Variants in NFIA observed in about 807,000 individuals in gnomAD.
NFIA encodes nuclear factor 1 A-type.
In NFIA, 8 loss-of-function variants were observed where a neutral mutation model predicts 62.8. That is an observed-to-expected ratio of 0.13 (90% CI 0.07 to 0.23). The LOEUF is 0.23. Ranked by LOEUF, NFIA falls within the 10% of genes least tolerant of loss-of-function variation. NFIA has a pLI of 1.00. For synonymous variants in NFIA, 235 were observed against 238.1 expected (o/e 0.99, Z 0.12); for missense variants, 410 against 642.1 (o/e 0.64, Z 3.91).
chr1:61,149,458 G>C (rs182558154), intron 2 of NFIA, among the ~76,000 whole-genome samples: 2 of 152,230 alleles, frequency 1.3e-5, no homozygotes, highest in Admixed American at 6.5e-5. Flanking sequence ...AGTGATATAA[G>C]ATTCTTGTAT....
intron 2 of NFIA, among the ~76,000 whole-genome samples, chr1:61,180,518 C>T (rs183277717): frequency 2.6e-5 from 4 of 152,248 alleles, no homozygotes; most frequent in Admixed American, 2.0e-4. Context: ...CTGGTGAATA[C>T]GACTTTATTA....
rs193167710 is a variant in NFIA, at chr1:61,430,886, A to G, written c.1512+4330A>G. 1.4e-4 allele frequency among the ~76,000 whole-genome samples: 21 copies of G among 151,716 alleles called. No individual in the cohort carries two copies. In the East Asian group the frequency reaches 2.5e-3, roughly 18 times the overall value. ...CCTCATTTTTTTCCTCCTTCTCCAT[A>G]TTGTAACTGATCACTGAGATGAGAG... On this transcript the variant is annotated intron_variant, in intron 10 of 10. Coordinates refer to ENST00000403491, the MANE Select transcript of NFIA (RefSeq NM_001134673.4).
Position 61,248,550 on chromosome 1 carries a change from G to T in NFIA, c.560-28970G>T, listed in dbSNP as rs184932092. On this transcript the variant is annotated intron_variant, in intron 2 of 10. Coordinates refer to ENST00000403491, the MANE Select transcript of NFIA (RefSeq NM_001134673.4). ...GTGTTCTTTTGTTTGGAGCACAGCTGCTTCCTATTGTTAAGTTGCACCGGA... is the reference window on the plus strand; with the variant it reads ...GTGTTCTTTTGTTTGGAGCACAGCTTCTTCCTATTGTTAAGTTGCACCGGA... Among the ~76,000 whole-genome samples the T allele has an allele frequency of 1.1e-3, 170 of 152,292 alleles. 1 individual carries two copies. In the Middle Eastern group the frequency reaches 0.031, roughly 27 times the overall value.
At chr1:61,412,049 A>G (rs1157104169) in intron 9 of NFIA, among the ~76,000 whole-genome samples, 1 of 152,076 alleles carries the variant, frequency 6.6e-6, no homozygotes, top group Non-Finnish European at 1.5e-5. Context: ...CTAGATTTTA[A>G]TAGATACATC....
intron 10 of NFIA, among the ~76,000 whole-genome samples, chr1:61,443,382 G>C (rs1400535710): frequency 1.3e-5 from 2 of 152,056 alleles, no homozygotes; most frequent in African/African-American, 4.8e-5. Flanking sequence ...CTTAGCAGAG[G>C]TGCAAACTGA....
At chr1:61,221,018 G>A (rs1653984652) in intron 2 of NFIA, among the ~76,000 whole-genome samples, 1 of 151,992 alleles carries the variant, frequency 6.6e-6, no homozygotes, top group African/African-American at 2.4e-5. Flanking sequence ...CTCAACACGT[G>A]TCTTTTAAAT....
At chr1:61,421,390 C>T (rs989365513) in intron 9 of NFIA, among the ~76,000 whole-genome samples, 4 of 152,164 alleles carry the variant, frequency 2.6e-5, no homozygotes, top group African/African-American at 9.7e-5. Context: ...CTCTATGATG[C>T]ACTGCGGAAG....
intron 2 of NFIA, among the ~76,000 whole-genome samples, chr1:61,128,526 T>G (rs1259587247): frequency 6.6e-6 from 1 of 151,832 alleles, no homozygotes. Flanking sequence ...ATGGTTTGAG[T>G]CCGGGAGGTG....
intron 2 of NFIA, among the ~76,000 whole-genome samples, chr1:61,136,056 A>G (rs146260602): frequency 6.6e-6 from 1 of 152,244 alleles, no homozygotes; most frequent in Non-Finnish European, 1.5e-5. Flanking sequence ...GATATACTAC[A>G]TCATGTAATA....
intron 3 of NFIA, among the ~76,000 whole-genome samples, chr1:61,292,428 ATCTT>A (rs1440315699): frequency 6.6e-6 from 1 of 152,152 alleles, no homozygotes; most frequent in Non-Finnish European, 1.5e-5. Context: ...CTTCCAATTG[ATCTT>A]TCTTAATTGT....
chr1:61,078,008 A>G (rs1016738095), upstream of NFIA, among the ~76,000 whole-genome samples: 1 of 152,086 alleles, frequency 6.6e-6, no homozygotes, highest in African/African-American at 2.4e-5. Flanking sequence ...CCTAACCCGA[A>G]AAGAAATGTC....
At chr1:61,248,157 C>T (rs561115867) in intron 2 of NFIA, among the ~76,000 whole-genome samples, 10 of 152,262 alleles carry the variant, frequency 6.6e-5, no homozygotes, top group African/African-American at 1.9e-4. Context: ...AACTAGCTCA[C>T]CCTCAACTAG....
At chr1:61,216,556 A>G (rs959448365) in intron 2 of NFIA, among the ~76,000 whole-genome samples, 7 of 152,212 alleles carry the variant, frequency 4.6e-5, no homozygotes, top group Admixed American at 1.3e-4. Flanking sequence ...AACCTGCTCA[A>G]TTCAACAAAA....
intron 2 of NFIA, among the ~76,000 whole-genome samples, chr1:61,231,361 C>T (rs939527981): frequency 6.6e-6 from 1 of 152,104 alleles, no homozygotes. Context: ...AAAATAAAGT[C>T]CTATGAATTA....
At chr1:61,161,621 G>T (rs923100747) in intron 2 of NFIA, among the ~76,000 whole-genome samples, 1 of 141,286 alleles carries the variant, frequency 7.1e-6, no homozygotes. Flanking sequence ...ACACACACAC[G>T]CAGACAGTCT....
chr1:61,380,948 A>C (rs1272294597), intron 6 of NFIA, among the ~76,000 whole-genome samples: 5 of 152,150 alleles, frequency 3.3e-5, no homozygotes, highest in Admixed American at 3.3e-4. Context: ...AGTGGATTTC[A>C]ATCATGTCAA....
intron 6 of NFIA, among the ~76,000 whole-genome samples, chr1:61,376,100 C>A (rs1569670655): frequency 6.6e-6 from 1 of 152,126 alleles, no homozygotes; most frequent in Non-Finnish European, 1.5e-5. Flanking sequence ...TAAAGATATA[C>A]TCTCCAATGA....
At chr1:61,414,360 A>G (rs1352688771) in intron 9 of NFIA, among the ~76,000 whole-genome samples, 1 of 152,208 alleles carries the variant, frequency 6.6e-6, no homozygotes, top group Non-Finnish European at 1.5e-5. Context: ...TTCTCTTGTT[A>G]GCCAGATTGA....
At chr1:61,118,040 C>T (rs1646821438) in intron 2 of NFIA, among the ~76,000 whole-genome samples, 2 of 151,816 alleles carry the variant, frequency 1.3e-5, no homozygotes, top group African/African-American at 4.8e-5. Context: ...AAAAAATGAG[C>T]CAGGCATGGT....
Sources: gnomAD v4.1 joint callset for allele counts (sites outside exome capture counted in the v4.1 genomes callset) on GRCh38, gnomAD v4.1.1 for gene constraint, MANE v1.5 for transcripts, NCBI Gene and HGNC (gene_info 2026-07-23, HGNC 2026-07-21) for gene names.